The following COPE variants were observed in gnomAD, a reference collection of about 807,000 sequenced individuals.
The protein encoded by COPE is coat protein complex I subunit epsilon, also known as coatomer subunit epsilon.
COPE carries 19 observed loss-of-function variants against 42.1 expected under a neutral mutation model. That is an observed-to-expected ratio of 0.45 (90% CI 0.31 to 0.66). The LOEUF is 0.66. Among genes scored for constraint, COPE ranks in the 30% least tolerant of loss-of-function variants. The probability of loss-of-function intolerance (pLI) is 0.05; values close to 1 mark genes in which losing one functional copy is unlikely to be tolerated. For synonymous variants in COPE, 195 were observed against 181.3 expected (o/e 1.08, Z -0.60); for missense variants, 402 against 416.1 (o/e 0.97, Z 0.30).
At position 18,919,250 on chromosome 19, in the gene COPE, C is replaced by T. The variant is rs771538362; in HGVS notation, c.99G>A (p.Gln33=). 4 of 1,613,646 alleles carry T rather than the reference C, an allele frequency of 2.5e-6. No individual in the cohort carries two copies. In the African/African-American group the frequency reaches 4.0e-5, roughly 16 times the overall value. ...KNAFYIGSYQ[Q]CINEAQRVKL... ...TCACCCGCTGCGCCTCGTTTATGCA[C>T]TGCTGGTAGCTGCCGATGTAGAAGG... Residue 33 remains glutamine, a synonymous_variant, in exon 1 of 10, where the codon CAG becomes CAA. Transcript: ENST00000262812.
At position 18,916,926 on chromosome 19, in the gene COPE, CAG is replaced by C. The variant is rs532007071; in HGVS notation, c.126+2295_126+2296del. Among the ~76,000 whole-genome samples, 28 of 124,596 alleles carry C rather than the reference CAG, an allele frequency of 2.2e-4. No homozygotes were observed. The East Asian group carries it at 4.9e-3, about 22-fold the overall frequency. The allele number at this position is 124,596 out of a possible 152,430, so 81.7% of individuals were successfully genotyped here. ...CCACTGCACTCCAGCCTGGGTGACACAGAGTGAGATCCTGTCTCAAAAAAAAA... is the reference window on the plus strand; with the variant it reads ...CCACTGCACTCCAGCCTGGGTGACACAGTGAGATCCTGTCTCAAAAAAAAA... On this transcript the variant is annotated intron_variant, in intron 1 of 9. Transcript: ENST00000262812.
Position 18,899,649 on chromosome 19 carries a change from C to T in COPE, c.*30G>A. The T allele has an allele frequency of 1.2e-6, 2 of 1,613,122 alleles. No individual in the cohort carries two copies. Among genetic ancestry groups the T allele is most frequent in the Non-Finnish European group, 1.7e-6 (2 of 1,179,870 alleles). On this transcript the variant is annotated 3_prime_UTR_variant, in exon 10 of 10. Coordinates refer to ENST00000262812, the MANE Select transcript of COPE (RefSeq NM_007263.4). ...GGCTGGCTCCTGGCCTCTGTCCTGGCTTCATGGTCCTGACAGCTCTGGGCC... is the reference window on the plus strand; with the variant it reads ...GGCTGGCTCCTGGCCTCTGTCCTGGTTTCATGGTCCTGACAGCTCTGGGCC...
chr19:18,915,348 C>A (rs1000872946), intron 1 of COPE, among the ~76,000 whole-genome samples: 1 of 152,198 alleles, frequency 6.6e-6, no homozygotes. Flanking sequence ...ACTGTGCGTG[C>A]GGAAGTGCTC....
At chr19:18,906,938 C>T (rs919845517) in intron 4 of COPE, 22 bp downstream of exon 4, 23 of 1,546,238 alleles carry the variant, frequency 1.5e-5, no homozygotes, top group Non-Finnish European at 2.0e-5. Flanking sequence ...TGGGCTGGCC[C>T]CAGAGCAGGG....
chr19:18,917,241 CTTTTTTTTTTTT>C (rs531312180), intron 1 of COPE, among the ~76,000 whole-genome samples: 1 of 110,700 alleles, frequency 9.0e-6, no homozygotes, highest in African/African-American at 3.2e-5. Context: ...TTCTTTTTTT[CTTTTTTTTTTTT>C]TTTTTTTGAG....
Position 18,899,794 on chromosome 19 carries a change from G to A in COPE, c.880-68C>T, listed in dbSNP as rs538762625. On this transcript the variant is annotated intron_variant, in intron 9 of 9. Transcript: ENST00000262812. ...GGGGAGACAGGTGGAGGGAGAGAGA[G>A]AGGGCGCATGTGAGCCCAGGCTGAG... is the stretch of plus-strand genomic sequence containing the variant. 1.4e-5 allele frequency: 23 copies of A among 1,610,820 alleles called. No individual in the cohort carries two copies. The East Asian group carries it at 4.5e-4, about 31-fold the overall frequency.
At chr19:18,902,053 G>A (rs972937227) in intron 7 of COPE, among the ~76,000 whole-genome samples, 4 of 151,720 alleles carry the variant, frequency 2.6e-5, no homozygotes, top group East Asian at 1.9e-4. Flanking sequence ...GGTGGTGGGC[G>A]CCTGTAGTCC....
chr19:18,914,754 T>A (rs979350284), intron 1 of COPE, among the ~76,000 whole-genome samples: 14 of 143,400 alleles, frequency 9.8e-5, no homozygotes, highest in African/African-American at 3.7e-4. Flanking sequence ...AAAAGCATAG[T>A]CTTTTTTTTT....
intron 4 of COPE, 88 bp downstream of exon 4, chr19:18,906,872 G>T: frequency 7.1e-7 from 1 of 1,408,918 alleles, no homozygotes; most frequent in Non-Finnish European, 9.4e-7. Flanking sequence ...CTCCCATGAC[G>T]ACAGCCAGCG....
At chr19:18,906,335 G>C in intron 4 of COPE, 1 of 186,498 alleles carries the variant, frequency 5.4e-6, no homozygotes, top group Non-Finnish European at 1.1e-5. Flanking sequence ...AAACATAGGT[G>C]CATGTCACCA....
chr19:18,904,466 C>G (rs1237701482), intron 6 of COPE, among the ~76,000 whole-genome samples: 1 of 152,234 alleles, frequency 6.6e-6, no homozygotes, highest in African/African-American at 2.4e-5. Flanking sequence ...CGCAGAAAAC[C>G]CCAGGAAGCC....
intron 3 of COPE, among the ~76,000 whole-genome samples, chr19:18,910,067 G>A (rs1165319527): frequency 6.6e-6 from 1 of 152,180 alleles, no homozygotes. Context: ...CGGTAGTTGG[G>A]ACACTGCCTC....
intron 8 of COPE, 69 bp from the exon 9 acceptor site, chr19:18,900,016 AG>A: frequency 7.4e-7 from 1 of 1,356,136 alleles, no homozygotes. Context: ...CCTGCTGGAC[AG>A]GGGTGGATTG....
At chr19:18,899,751 A>C in intron 9 of COPE, 25 bp from the exon 10 acceptor site, 1 of 1,613,368 alleles carries the variant, frequency 6.2e-7, no homozygotes, top group Non-Finnish European at 8.5e-7. Context: ...ATGGCAACAC[A>C]GGGTGGGGGC....
chr19:18,917,460 C>T (rs1404564696), intron 1 of COPE, among the ~76,000 whole-genome samples: 2 of 151,906 alleles, frequency 1.3e-5, no homozygotes, highest in Non-Finnish European at 2.9e-5. Context: ...CCTCCACCTC[C>T]TGGGTTCAAA....
At chr19:18,916,272 G>A (rs1203321933) in intron 1 of COPE, among the ~76,000 whole-genome samples, 1 of 151,800 alleles carries the variant, frequency 6.6e-6, no homozygotes, top group Non-Finnish European at 1.5e-5. Flanking sequence ...AGAATGGTGT[G>A]AACCCAGGAG....
chr19:18,918,215 A>G (rs1274139698), intron 1 of COPE, among the ~76,000 whole-genome samples: 1 of 150,864 alleles, frequency 6.6e-6, no homozygotes, highest in Non-Finnish European at 1.5e-5. Flanking sequence ...AAAAGAAAAG[A>G]AAAGAAAAAA....
intron 2 of COPE, 127 bp from the exon 3 acceptor site, chr19:18,911,198 C>A (rs1468462): frequency 0.35 from 270,741 of 768,708 alleles, 52,727 homozygotes; most frequent in Admixed American, 0.51. Context: ...CCAGCATGGG[C>A]CACCTCCACT....
At chr19:18,911,465 CCT>C (rs2056809778) in intron 2 of COPE, 1 of 222,216 alleles carries the variant, frequency 4.5e-6, no homozygotes, top group African/African-American at 2.2e-5. Context: ...ACCTACTGGC[CCT>C]CTGAGGATGC....
Sources: gnomAD v4.1 joint callset for allele counts (sites outside exome capture counted in the v4.1 genomes callset) on GRCh38, gnomAD v4.1.1 for gene constraint, MANE v1.5 for transcripts, NCBI Gene and HGNC (gene_info 2026-07-23, HGNC 2026-07-21) for gene names.